The following RGS14 variants were observed in gnomAD, a reference collection of about 807,000 sequenced individuals.
RGS14 encodes regulator of G protein signaling 14.
In RGS14, 33 loss-of-function variants were observed where a neutral mutation model predicts 63.8. The ratio of observed to expected loss-of-function variants is 0.52; its 90% CI spans 0.39 to 0.69. RGS14 has a LOEUF of 0.69. RGS14 is among the 30% of genes least tolerant of loss of function. RGS14 has a pLI of 0.00. For missense variants in RGS14, 739 were observed against 742.9 expected, an observed-to-expected ratio of 0.99 and a Z score of 0.06; for synonymous variants, 296 against 320.9, an observed-to-expected ratio of 0.92 and a Z score of 0.83.
At position 177,371,505 on chromosome 5, in the gene RGS14, A is replaced by G. The variant is rs543931423; in HGVS notation, c.1414A>G (p.Thr472Ala). 1.7e-4 allele frequency: 271 copies of G among 1,613,952 alleles called. 5 individuals carry two copies. In the South Asian group the frequency reaches 2.8e-3, roughly 17 times the overall value. The change falls in exon 14 of 15, where the codon ACC becomes GCC. Residue 472 changes from threonine to alanine, a missense_variant. By Grantham distance (58) the Thr-to-Ala change is moderately conservative (BLOSUM62 0). Transcript: ENST00000408923. This position sits in a 1 kb window ranked among gnomAD's most constrained non-coding sequence, Gnocchi z 6.1. ...CCCACCTAGAACTCAGGATAAGGCC[A>G]CCCATCCCCCTCCAGCGTCCCCCAG... The part of the protein sequence containing the change: ...GCPPRTQDKA[T>A]HPPPASPSSL...
Position 177,366,294 on chromosome 5 carries a change from C to A in RGS14, c.185C>A (p.Ala62Asp). The A allele has an allele frequency of 6.4e-7, 1 of 1,560,672 alleles. No individual in the cohort carries two copies. The highest frequency in any genetic ancestry group is 2.2e-4 in the Middle Eastern group (1 of 4,458). ...SPFPTEEQPV[A>D]SWALSFERLL... ...TTCCCAACCGAGGAGCAGCCTGTGG[C>A]CAGCTGGGCCCTGTCCTTCGAGCGG... Residue 62 changes from alanine (A) to aspartate (D), a missense_variant, in exon 3 of 15, where the codon GCC (alanine) becomes GAC (aspartate). Ala to Asp is a moderately radical substitution (Grantham distance 126). Coordinates refer to ENST00000408923, the MANE Select transcript of RGS14 (RefSeq NM_006480.5).
intron 1 of RGS14, among the ~76,000 whole-genome samples, chr5:177,363,916 G>A (rs765991128): frequency 2.4e-4 from 37 of 152,126 alleles, no homozygotes; most frequent in Non-Finnish European, 4.1e-4. Flanking sequence ...GCTCAATCCC[G>A]GACAAGGTTG....
intron 1 of RGS14, among the ~76,000 whole-genome samples, chr5:177,361,734 T>C (rs1486560213): frequency 2.6e-5 from 4 of 152,064 alleles, no homozygotes; most frequent in Non-Finnish European, 5.9e-5. Context: ...AATTGGGGCC[T>C]TACTCTCACC....
chr5:177,369,167 C>G, intron 9 of RGS14: 1 of 539,052 alleles, frequency 1.9e-6, no homozygotes, highest in Non-Finnish European at 3.4e-6. Context: ...GAGAGAACCA[C>G]TGTTGGAGCT....
Position 177,371,768 on chromosome 5 carries a change from G to T in RGS14, c.1499-105G>T. 1 of 1,334,840 alleles carries T rather than the reference G, an allele frequency of 7.5e-7. No individual in the cohort carries two copies. The highest frequency in any genetic ancestry group is 1.3e-5 in the South Asian group (1 of 76,386). The allele number at this position is 1,334,840 out of a possible 1,614,324, so 82.7% of individuals were successfully genotyped here. A position where few individuals can be genotyped will look rare whatever the true frequency, so the allele number is the denominator to read the frequency against. Reference sequence around the variant, plus strand: ...GAACAGGGGGCCGCAGGCCATTGGTGCTGGGGCCAGGGAGGCAGTGGCCAC... The same window carrying T: ...GAACAGGGGGCCGCAGGCCATTGGTTCTGGGGCCAGGGAGGCAGTGGCCAC... On this transcript the variant is annotated intron_variant, in intron 14 of 14. Coordinates refer to ENST00000408923, the MANE Select transcript of RGS14 (RefSeq NM_006480.5). The surrounding 1 kb of genome is among the most constrained non-coding windows in gnomAD (Gnocchi z 6.1).
At chr5:177,370,693 C>A in intron 10 of RGS14, 29 bp downstream of exon 10, 1 of 1,610,810 alleles carries the variant, frequency 6.2e-7, no homozygotes, top group South Asian at 1.1e-5. Context: ...AGTCTGGGTC[C>A]CAGGTCCTGA....
chr5:177,370,901 G>C lies in RGS14; in HGVS notation c.1128-4G>C, dbSNP rs374714587. 6.2e-7 allele frequency: 1 copy of C among 1,602,064 alleles called. No homozygotes were observed. The highest frequency in any genetic ancestry group is 1.1e-5 in the South Asian group (1 of 90,774). On this transcript the variant is annotated splice_region_variant and splice_polypyrimidine_tract_variant and intron_variant, in intron 10 of 14. Transcript: ENST00000408923. Reference sequence around the variant, plus strand: ...GCCCTCTGCTGCCCGAGGGTTCCTCGCAGGCTGGAGCTGACGGCGCTGGAG... The same window carrying C: ...GCCCTCTGCTGCCCGAGGGTTCCTCCCAGGCTGGAGCTGACGGCGCTGGAG...
intron 8 of RGS14, 39 bp downstream of exon 8, chr5:177,368,305 C>A (rs1762157513): frequency 6.4e-7 from 1 of 1,573,094 alleles, no homozygotes; most frequent in Non-Finnish European, 8.7e-7. Context: ...GCTCTATGGG[C>A]TAGAGTCACT....
chr5:177,372,425 C>T lies in RGS14; in HGVS notation c.*350C>T, dbSNP rs942315826. 3.8e-5 allele frequency: 10 copies of T among 259,950 alleles called. No homozygotes were observed. The highest frequency in any genetic ancestry group is 6.6e-5 in the Non-Finnish European group (9 of 135,754). The allele number at this position is 259,950 out of a possible 1,614,324, so 16.1% of individuals were successfully genotyped here. ...CTTCAACAGGGGCAAGAGGAGGGGC[C>T]GGCCCCTCCTCAGGAAGCTGGTATG... On this transcript the variant is annotated 3_prime_UTR_variant, in exon 15 of 15. Coordinates refer to ENST00000408923, the MANE Select transcript of RGS14 (RefSeq NM_006480.5).
At position 177,368,896 on chromosome 5, in the gene RGS14, G is replaced by A. The variant is rs777106856; in HGVS notation, c.1029G>A (p.Lys343=). 1 of 1,614,142 alleles carries A rather than the reference G, an allele frequency of 6.2e-7. No homozygotes were observed. Among genetic ancestry groups the A allele is most frequent in the Non-Finnish European group, 8.5e-7 (1 of 1,180,028 alleles). ...GAGGCCTCTCTCTACCTGACATCAA[G>A]GTCTACCTGGTGGGCAATGAACAGG... ...EKRGLSLPDI[K]VYLVGNEQAL... is the part of the protein sequence containing the mutation. Residue 343 remains lysine, a synonymous_variant, in exon 9 of 15, where the codon AAG becomes AAA. Transcript: ENST00000408923.
chr5:177,360,862 G>A (rs943036937), intron 1 of RGS14, among the ~76,000 whole-genome samples: 5 of 152,170 alleles, frequency 3.3e-5, no homozygotes, highest in South Asian at 2.1e-4. Flanking sequence ...GCAGTGAGCC[G>A]AGTTCGTGCT....
At position 177,359,527 on chromosome 5, in the gene RGS14, C is replaced by T. The variant is rs1026561620; in HGVS notation, c.45+1458C>T. ...GCCCAGAGACAGACCCAGCCCCTGC[C>T]CCTTCTGTGTCAGCCTGTGACTTCT... On this transcript the variant is annotated intron_variant, in intron 1 of 14. Coordinates refer to ENST00000408923, the MANE Select transcript of RGS14 (RefSeq NM_006480.5). This position sits in a 1 kb window ranked among gnomAD's most constrained non-coding sequence, Gnocchi z 4.4. Among the ~76,000 whole-genome samples the T allele has an allele frequency of 6.6e-6, 1 of 152,218 alleles. No individual in the cohort carries two copies. The highest frequency in any genetic ancestry group is 2.4e-5 in the African/African-American group (1 of 41,460).
chr5:177,371,998 G>A lies in RGS14; in HGVS notation c.1624G>A (p.Glu542Lys). 4 of 1,614,146 alleles carry A rather than the reference G, an allele frequency of 2.5e-6. No homozygotes were observed. Among genetic ancestry groups the A allele is most frequent in the Non-Finnish European group, 3.4e-6 (4 of 1,180,030 alleles). ...GCCCGCCCAAGGGCCCAGCTCCGAG[G>A]AGACCCCACCACAGACCAAATCAGC... ...QLPAQGPSSE[E>K]TPPQTKSAAQ... is the part of the protein sequence containing the mutation. The change falls in exon 15 of 15, where the codon GAG becomes AAG. Residue 542 changes from glutamate (E) to lysine (K), a missense_variant. By Grantham distance (56) the Glu-to-Lys change is moderately conservative. Transcript: ENST00000408923. This position sits in a 1 kb window ranked among gnomAD's most constrained non-coding sequence, Gnocchi z 6.1.
At position 177,371,097 on chromosome 5, in the gene RGS14, CCGGGGCCG is replaced by C; in HGVS notation, c.1254+67_1255-60del. ...GCCGGGGCCGGGGCCGGGGCCGGGG[CCGGGGCCG>C]GGGCCGGGGCCGGGGCCGGGCGGAG... On this transcript the variant is annotated intron_variant, in intron 11 of 14. Coordinates refer to ENST00000408923, the MANE Select transcript of RGS14 (RefSeq NM_006480.5). The surrounding 1 kb of genome is among the most constrained non-coding windows in gnomAD (Gnocchi z 6.1). 9 of 845,500 alleles carry C rather than the reference CCGGGGCCG, an allele frequency of 1.1e-5. No homozygotes were observed. The highest frequency in any genetic ancestry group is 1.3e-5 in the Non-Finnish European group (9 of 668,294). 52.4% of individuals were successfully genotyped at this position (845,500 alleles called of 1,614,324 possible).
chr5:177,362,596 C>G (rs1409612635), intron 1 of RGS14, among the ~76,000 whole-genome samples: 2 of 152,184 alleles, frequency 1.3e-5, no homozygotes, highest in Admixed American at 6.5e-5. Context: ...AGCAGATACC[C>G]AGGCACTGGC....
chr5:177,366,619 G>T, intron 3 of RGS14, 89 bp from the exon 4 acceptor site: 1 of 1,314,584 alleles, frequency 7.6e-7, no homozygotes, highest in Non-Finnish European at 1.1e-6. Context: ...TCTTGGCCCT[G>T]TCTCTGTCCC....
rs1397248826 is a variant in RGS14, at chr5:177,366,175, A to T, written c.68-2A>T. 1 of 1,604,858 alleles carries T rather than the reference A, an allele frequency of 6.2e-7. No individual in the cohort carries two copies. Among genetic ancestry groups the T allele is most frequent in the Non-Finnish European group, 8.5e-7 (1 of 1,175,896 alleles). The stretch of plus-strand genomic sequence containing the variant: ...CACCCCAACTTGTCCATCCCCCTGC[A>T]GAGCTGAGCAGCACGACGGGGCCCC... On this transcript the variant is annotated splice_acceptor_variant, in intron 2 of 14. Coordinates refer to ENST00000408923, the MANE Select transcript of RGS14 (RefSeq NM_006480.5). LOFTEE classifies it high-confidence loss of function.
chr5:177,360,442 G>A (rs1305640068), intron 1 of RGS14, among the ~76,000 whole-genome samples: 1 of 151,894 alleles, frequency 6.6e-6, no homozygotes, highest in Non-Finnish European at 1.5e-5. Context: ...GTATGCACCT[G>A]TAGTCCCAGC....
chr5:177,370,544 G>A, intron 9 of RGS14, 47 bp from the exon 10 acceptor site: 1 of 1,556,840 alleles, frequency 6.4e-7, no homozygotes, highest in Non-Finnish European at 8.9e-7. Flanking sequence ...AGGGATGGCT[G>A]GGGGTTGGGG....
Sources: gnomAD v4.1 joint callset for allele counts (sites outside exome capture counted in the v4.1 genomes callset) on GRCh38, gnomAD v4.1.1 for gene constraint, Gnocchi (gnomAD v3.1) non-coding constraint, MANE v1.5 for transcripts, NCBI Gene and HGNC (gene_info 2026-07-23, HGNC 2026-07-21) for gene names.